DTD1: variants seen among roughly 807,000 people sequenced by gnomAD.
The protein encoded by DTD1 is D-aminoacyl-tRNA deacylase 1.
Under a neutral mutation model 25.6 loss-of-function variants are expected in DTD1, and 13 were observed. The observed-to-expected ratio is 0.51, with a 90% CI of 0.33 to 0.81. The LOEUF (loss-of-function observed/expected upper bound fraction) is 0.81. Ranked by LOEUF, DTD1 falls within the 30% of genes least tolerant of loss-of-function variation. The pLI is 0.02. For synonymous variants in DTD1, 110 were observed against 103.6 expected (o/e 1.06, Z -0.37); for missense variants, 193 against 266.4 (o/e 0.72, Z 1.92).
chr20:18,620,731 C>CT (rs2060730632), intron 3 of DTD1, among the ~76,000 whole-genome samples: 1 of 151,904 alleles, frequency 6.6e-6, no homozygotes, highest in African/African-American at 2.4e-5. Flanking sequence ...GTACCTGGGA[C>CT]TATGAGCATG....
rs1485046946 is a variant in DTD1, at chr20:18,708,362, A to AT, written c.478-35737dup. On this transcript the variant is annotated intron_variant, in intron 4 of 5. Coordinates refer to ENST00000377452, the MANE Select transcript of DTD1 (RefSeq NM_080820.6). ...ATATATATATTATATATCTATATAT[A>AT]TATTTTTTTTTGATACAAAGTCTCA... 1.3e-3 allele frequency among the ~76,000 whole-genome samples: 69 copies of AT among 51,186 alleles called. 3 individuals are homozygous for AT. The East Asian group carries it at 0.024, about 18-fold the overall frequency. The allele number at this position is 51,186 out of a possible 152,430, so 33.6% of individuals were successfully genotyped here.
In DTD1 at chr20:18,623,463, C is replaced by T. The variant is rs1266251833; in HGVS notation, c.371-4664C>T. On this transcript the variant is annotated intron_variant, in intron 3 of 5. Transcript: ENST00000377452. Reference sequence around the variant, plus strand: ...GGTTTCTTTTCCTGGTTTCTTATTTCATTCGGGTTTAGTCTTATTTTCTAA... The same window carrying T: ...GGTTTCTTTTCCTGGTTTCTTATTTTATTCGGGTTTAGTCTTATTTTCTAA... 4.6e-5 allele frequency among the ~76,000 whole-genome samples: 7 copies of T among 151,842 alleles called. No homozygotes were observed. The East Asian group carries it at 1.4e-3, about 29-fold the overall frequency.
chr20:18,708,286 T>TA lies in DTD1; in HGVS notation c.478-35813dup, dbSNP rs1568676950. ...TATTTTATATATATATAATATATAT[T>TA]ATATATATATAATATATATATTTTA... On this transcript the variant is annotated intron_variant, in intron 4 of 5. Coordinates refer to ENST00000377452, the MANE Select transcript of DTD1 (RefSeq NM_080820.6). Among the ~76,000 whole-genome samples, 59 of 21,114 alleles carry TA rather than the reference T, an allele frequency of 2.8e-3. 1 individual carries two copies. Among genetic ancestry groups the TA allele is most frequent in the Non-Finnish European group, 5.2e-3 (52 of 10,062 alleles). The allele number at this position is 21,114 out of a possible 152,430, so 13.9% of individuals were successfully genotyped here.
At chr20:18,683,566 G>T (rs1287927566) in intron 4 of DTD1, among the ~76,000 whole-genome samples, 1 of 152,150 alleles carries the variant, frequency 6.6e-6, no homozygotes, top group Non-Finnish European at 1.5e-5. Flanking sequence ...CATGAGCTGT[G>T]CCCTAAGCTT....
chr20:18,630,765 ACAGTTC>A (rs1472576475), intron 4 of DTD1: 2 of 152,168 alleles, frequency 1.3e-5, no homozygotes, highest in Non-Finnish European at 2.9e-5. Context: ...CCAATCTGTG[ACAGTTC>A]CTCAGCCTTT....
chr20:18,653,238 TA>T (rs2060880370), intron 4 of DTD1, among the ~76,000 whole-genome samples: 1 of 152,098 alleles, frequency 6.6e-6, no homozygotes, highest in African/African-American at 2.4e-5. Context: ...CCTGTCTCTA[TA>T]AAAAATTAGC....
At chr20:18,591,741 A>G (rs1568637969) in intron 1 of DTD1, among the ~76,000 whole-genome samples, 1 of 152,214 alleles carries the variant, frequency 6.6e-6, no homozygotes, top group African/African-American at 2.4e-5. Context: ...AAGTATATCA[A>G]TATTGTAAGA....
At chr20:18,631,815 T>C (rs1219373144) in intron 4 of DTD1, 1 of 974,910 alleles carries the variant, frequency 1.0e-6, no homozygotes, top group Non-Finnish European at 1.2e-6. Context: ...GAGAAAAATT[T>C]TAGTCTTTTT....
chr20:18,648,995 C>CAAAAAAAAAAA (rs57780175), intron 4 of DTD1, among the ~76,000 whole-genome samples: 9 of 56,272 alleles, frequency 1.6e-4, no homozygotes, highest in South Asian at 9.6e-4. Context: ...GACTCCATCT[C>CAAAAAAAAAAA]AAAAAAAAAA....
chr20:18,685,728 A>C (rs942695228), intron 4 of DTD1, among the ~76,000 whole-genome samples: 1 of 152,230 alleles, frequency 6.6e-6, no homozygotes, highest in African/African-American at 2.4e-5. Flanking sequence ...CTCAAAGCTA[A>C]ATACCTAAGT....
At position 18,658,348 on chromosome 20, in the gene DTD1, C is replaced by G. The variant is rs552068893; in HGVS notation, c.477+30115C>G. On this transcript the variant is annotated intron_variant, in intron 4 of 5. Transcript: ENST00000377452. Reference sequence around the variant, plus strand: ...TTAATTTCTTTTTTTTTTTTTGAGACAGAGTCTCGCTCTGTCGCCCATGCT... The same window carrying G: ...TTAATTTCTTTTTTTTTTTTTGAGAGAGAGTCTCGCTCTGTCGCCCATGCT... Among the ~76,000 whole-genome samples the G allele has an allele frequency of 9.6e-4, 144 of 150,376 alleles. 3 individuals carry two copies. The South Asian group carries it at 0.03, about 31-fold the overall frequency.
intron 5 of DTD1, among the ~76,000 whole-genome samples, chr20:18,755,208 A>G (rs2061334252): frequency 6.6e-6 from 1 of 152,226 alleles, no homozygotes; most frequent in African/African-American, 2.4e-5. Context: ...GAAAATATCA[A>G]AAATGCCAAA....
intron 4 of DTD1, among the ~76,000 whole-genome samples, chr20:18,629,882 A>G (rs2060777045): frequency 6.6e-6 from 1 of 151,994 alleles, no homozygotes; most frequent in African/African-American, 2.4e-5. Flanking sequence ...TTAAACAACC[A>G]GATCTCATGA....
intron 3 of DTD1, among the ~76,000 whole-genome samples, chr20:18,600,527 G>A (rs143638423): frequency 5.7e-4 from 87 of 152,204 alleles, no homozygotes; most frequent in Middle Eastern, 3.4e-3. Flanking sequence ...TATTGAAGTC[G>A]TATAGTGTCA....
intron 4 of DTD1, among the ~76,000 whole-genome samples, chr20:18,668,704 A>G (rs1367048552): frequency 6.6e-6 from 1 of 152,114 alleles, no homozygotes; most frequent in Non-Finnish European, 1.5e-5. Context: ...GTTGAGTGAA[A>G]TGAGCTACCA....
chr20:18,661,852 C>A (rs1568661733), intron 4 of DTD1, among the ~76,000 whole-genome samples: 1 of 152,032 alleles, frequency 6.6e-6, no homozygotes, highest in Non-Finnish European at 1.5e-5. Flanking sequence ...TATAAATGGA[C>A]ATTAAGATTT....
chr20:18,588,159 C>A, intron 1 of DTD1, 44 bp downstream of exon 1: 1 of 1,234,584 alleles, frequency 8.1e-7, no homozygotes, highest in Non-Finnish European at 1.0e-6. Flanking sequence ...GCCCCTGACC[C>A]CCGCGACCGG....
chr20:18,643,649 C>A, intron 4 of DTD1: 1 of 153,190 alleles, frequency 6.5e-6, no homozygotes, highest in Non-Finnish European at 1.5e-5. Flanking sequence ...CCAAGAAGGT[C>A]TTCATAGTGA....
At chr20:18,698,174 G>C (rs2061087205) in intron 4 of DTD1, among the ~76,000 whole-genome samples, 1 of 152,152 alleles carries the variant, frequency 6.6e-6, no homozygotes, top group Non-Finnish European at 1.5e-5. Context: ...TGATGTATAT[G>C]TTTTTAACAA....
Sources: gnomAD v4.1 joint callset for allele counts (sites outside exome capture counted in the v4.1 genomes callset) on GRCh38, gnomAD v4.1.1 for gene constraint, MANE v1.5 for transcripts, NCBI Gene and HGNC (gene_info 2026-07-23, HGNC 2026-07-21) for gene names.